Variants in KPNA3 observed in about 807,000 individuals in gnomAD.
KPNA3 encodes karyopherin subunit alpha 3.
A neutral mutation model predicts 73.8 loss-of-function variants in KPNA3; 13 were observed. The observed-to-expected ratio is 0.18, with a 90% confidence interval of 0.11 to 0.28. The LOEUF is 0.28. Ranked by LOEUF, KPNA3 falls within the 10% of genes least tolerant of loss-of-function variation. The pLI is 1.00. For synonymous variants in KPNA3, 186 were observed against 206.9 expected (o/e 0.90, Z 0.87); for missense variants, 360 against 618.1 (o/e 0.58, Z 4.43).
chr13:49,781,216 C>A (rs1232636495), intron 1 of KPNA3, among the ~76,000 whole-genome samples: 3 of 152,156 alleles, frequency 2.0e-5, no homozygotes, highest in Non-Finnish European at 4.4e-5. Context: ...ACTAGGTACA[C>A]ACTTCCATTA....
intron 12 of KPNA3, among the ~76,000 whole-genome samples, chr13:49,707,376 A>G (rs770020929): frequency 1.3e-5 from 2 of 152,192 alleles, no homozygotes; most frequent in African/African-American, 2.4e-5. Flanking sequence ...GGTGTTCACT[A>G]TACTATTCTT....
chr13:49,731,249 GTTT>G (rs143641829), intron 6 of KPNA3, among the ~76,000 whole-genome samples: 1 of 102,206 alleles, frequency 9.8e-6, no homozygotes. Flanking sequence ...TAATTTTCGT[GTTT>G]TTTTTTTTTT....
At chr13:49,785,587 G>A (rs1265357068) in intron 1 of KPNA3, among the ~76,000 whole-genome samples, 1 of 152,170 alleles carries the variant, frequency 6.6e-6, no homozygotes, top group African/African-American at 2.4e-5. Flanking sequence ...AGCCAAGGGA[G>A]TTGCTGATAT....
chr13:49,737,324 G>A (rs1335587492), intron 2 of KPNA3, among the ~76,000 whole-genome samples: 1 of 152,142 alleles, frequency 6.6e-6, no homozygotes, highest in Non-Finnish European at 1.5e-5. Context: ...CCACTAACAT[G>A]AGTGATCAGT....
chr13:49,736,300 A>G (rs1327265086), intron 2 of KPNA3, among the ~76,000 whole-genome samples: 8 of 152,160 alleles, frequency 5.3e-5, no homozygotes, highest in African/African-American at 1.7e-4. Flanking sequence ...CACAAGTTTT[A>G]TAAGTTATAT....
chr13:49,746,064 G>GAAAAAAAAA (rs398022733), intron 2 of KPNA3, among the ~76,000 whole-genome samples: 1 of 83,086 alleles, frequency 1.2e-5, no homozygotes, highest in Non-Finnish European at 2.4e-5. Context: ...CTCTGCATCA[G>GAAAAAAAAA]AAAAAAAAAA....
intron 2 of KPNA3, among the ~76,000 whole-genome samples, chr13:49,737,540 CTTACTA>C (rs1303754995): frequency 6.8e-6 from 1 of 148,004 alleles, no homozygotes; most frequent in East Asian, 2.0e-4. Flanking sequence ...TTTGTTTTTT[CTTACTA>C]TTAAGTGTGT....
chr13:49,713,111 T>C (rs1413515238), intron 10 of KPNA3, among the ~76,000 whole-genome samples: 2 of 151,696 alleles, frequency 1.3e-5, no homozygotes, highest in African/African-American at 2.4e-5. Context: ...GCCAAGTAAA[T>C]GATAAAAAGA....
chr13:49,702,469 T>C lies in KPNA3; in HGVS notation c.1384A>G (p.Ile462Val). The C allele has an allele frequency of 6.5e-7, 1 of 1,530,744 alleles. No individual in the cohort carries two copies. The highest frequency in any genetic ancestry group is 1.2e-5 in the South Asian group (1 of 86,490). 94.8% of individuals were successfully genotyped at this position (1,530,744 alleles called of 1,614,324 possible). Reference protein sequence around the residue: ...IIEECGGLEKIEVLQQHENED... With the variant: ...IIEECGGLEKVEVLQQHENED... Reference sequence around the variant, plus strand: ...TTTTCATGTTGCTGTAAAACTTCAATTTTCTCCAAACCTGGTAAAAATAAA... The same window carrying C: ...TTTTCATGTTGCTGTAAAACTTCAACTTTCTCCAAACCTGGTAAAAATAAA... The change falls in exon 16 of 17, where the codon ATT (isoleucine) becomes GTT (valine). Residue 462 changes from isoleucine to valine, a missense_variant. Ile to Val is a conservative substitution (Grantham distance 29). Coordinates refer to ENST00000261667, the MANE Select transcript of KPNA3 (RefSeq NM_002267.4).
intron 1 of KPNA3, among the ~76,000 whole-genome samples, chr13:49,790,654 T>G (rs73485742): frequency 6.6e-6 from 1 of 152,256 alleles, no homozygotes; most frequent in Non-Finnish European, 1.5e-5. Context: ...AATACCAGGC[T>G]GAATGGCTTA....
chr13:49,700,690 T>A lies in KPNA3; in HGVS notation c.*1110A>T, dbSNP rs1024276324. ...ACACTTCTAAATAGTTGCTGGTTTG[T>A]TGCCAACCACATTATCAAAAGCACT... On this transcript the variant is annotated 3_prime_UTR_variant, in exon 17 of 17. Coordinates refer to ENST00000261667, the MANE Select transcript of KPNA3 (RefSeq NM_002267.4). The A allele has an allele frequency of 6.5e-6, 1 of 152,676 alleles. No individual in the cohort carries two copies. The highest frequency in any genetic ancestry group is 2.4e-5 in the African/African-American group (1 of 41,474). 9.5% of individuals were successfully genotyped at this position (152,676 alleles called of 1,614,324 possible).
At chr13:49,781,542 A>T (rs1055819443) in intron 1 of KPNA3, among the ~76,000 whole-genome samples, 1 of 152,190 alleles carries the variant, frequency 6.6e-6, no homozygotes, top group Non-Finnish European at 1.5e-5. Context: ...CATTATTTTC[A>T]TTGTTTTATC....
intron 1 of KPNA3, among the ~76,000 whole-genome samples, chr13:49,785,541 G>A (rs1444626408): frequency 5.9e-5 from 9 of 152,176 alleles, no homozygotes; most frequent in Non-Finnish European, 1.3e-4. Context: ...ATGATTTTAT[G>A]AAATTTAAGT....
At chr13:49,737,561 CTGTGTGTGTGTGTG>C (rs3990330) in intron 2 of KPNA3, among the ~76,000 whole-genome samples, 24,100 of 142,892 alleles carry the variant, frequency 0.17, 2,375 homozygotes, top group East Asian at 0.52. Flanking sequence ...GTGTGTGTGT[CTGTGTGTGTGTGTG>C]TGTGTGTGTG....
intron 1 of KPNA3, among the ~76,000 whole-genome samples, chr13:49,759,164 C>T (rs951182102): frequency 1.4e-4 from 22 of 152,012 alleles, no homozygotes; most frequent in Admixed American, 1.3e-4. Context: ...AAATAAAAAC[C>T]CAAACAACTA....
At chr13:49,732,321 C>T in intron 6 of KPNA3, 50 bp downstream of exon 6, 1 of 920,248 alleles carries the variant, frequency 1.1e-6, no homozygotes, top group Non-Finnish European at 1.7e-6. Flanking sequence ...ATAATCCAAA[C>T]TTTTAAGTTA....
intron 6 of KPNA3, among the ~76,000 whole-genome samples, chr13:49,731,776 T>C (rs1441357578): frequency 6.6e-6 from 1 of 152,212 alleles, no homozygotes. Context: ...TAAACAAAAA[T>C]GGAAATAGGG....
At position 49,792,579 on chromosome 13, in the gene KPNA3, G is replaced by A. The variant is rs1432256712; in HGVS notation, c.-73C>T. 1.6e-5 allele frequency: 13 copies of A among 801,448 alleles called. No individual in the cohort carries two copies. Among genetic ancestry groups the A allele is most frequent in the Non-Finnish European group, 2.3e-5 (12 of 515,124 alleles). 49.6% of individuals were successfully genotyped at this position (801,448 alleles called of 1,614,324 possible). A position where few individuals can be genotyped will look rare whatever the true frequency, so the allele number is the denominator to read the frequency against. ...GCGGCGGCGAATCTTGGAGCGGGAG[G>A]GGGAGGAGGGGGAGAGCGGGAGGGG... On this transcript the variant is annotated 5_prime_UTR_variant, in exon 1 of 17. Transcript: ENST00000261667.
intron 1 of KPNA3, among the ~76,000 whole-genome samples, chr13:49,791,424 C>G (rs1253153796): frequency 6.6e-6 from 1 of 152,166 alleles, no homozygotes; most frequent in East Asian, 1.9e-4. Flanking sequence ...ACCTCTAGCG[C>G]TGCCTCAATA....
Sources: gnomAD v4.1 joint callset for allele counts (sites outside exome capture counted in the v4.1 genomes callset) on GRCh38, gnomAD v4.1.1 for gene constraint, MANE v1.5 for transcripts, NCBI Gene and HGNC (gene_info 2026-07-23, HGNC 2026-07-21) for gene names.